The following SLC24A2 variants were observed in gnomAD, a reference collection of about 807,000 sequenced individuals.
SLC24A2 encodes the protein solute carrier family 24 member 2.
A neutral mutation model predicts 62.0 loss-of-function variants in SLC24A2; 36 were observed. That is an observed-to-expected ratio of 0.58 (90% confidence interval 0.44 to 0.77). The LOEUF is 0.77. Ranked by LOEUF, SLC24A2 falls within the 30% of genes least tolerant of loss-of-function variation. The probability of loss-of-function intolerance (pLI) is 0.00; values close to 1 mark genes in which losing one functional copy is unlikely to be tolerated. For missense variants in SLC24A2, 846 were observed against 817.9 expected, an observed-to-expected ratio of 1.03 and a Z score of -0.42; for synonymous variants, 358 against 294.0, an observed-to-expected ratio of 1.22 and a Z score of -2.23.
Position 19,730,525 on chromosome 9 carries a change from G to T in SLC24A2, c.930+55412C>A, listed in dbSNP as rs971368784. Among the ~76,000 whole-genome samples the T allele has an allele frequency of 8.4e-4, 128 of 152,188 alleles. 1 individual carries two copies. The highest frequency in any genetic ancestry group is 1.5e-4 in the Non-Finnish European group (10 of 67,994). ...TAAATGACTTCACAACCTTAAGAAT[G>T]CTAGGCCATTATTTCACAAAATGAG... is the stretch of plus-strand genomic sequence containing the variant. On this transcript the variant is annotated intron_variant, in intron 2 of 10. Coordinates refer to ENST00000341998, the MANE Select transcript of SLC24A2 (RefSeq NM_020344.4).
At chr9:19,530,078 CTTTTT>C (rs11365952) in intron 8 of SLC24A2, among the ~76,000 whole-genome samples, 17 of 124,930 alleles carry the variant, frequency 1.4e-4, no homozygotes, top group Admixed American at 4.1e-4. Flanking sequence ...ATAAAAGCAG[CTTTTT>C]TTTTTTTTTT....
intron 2 of SLC24A2, among the ~76,000 whole-genome samples, chr9:19,709,752 G>C (rs1014716765): frequency 8.1e-5 from 9 of 111,446 alleles, no homozygotes; most frequent in African/African-American, 3.2e-4. Flanking sequence ...GACTGTTGTG[G>C]TGTGGGGGGT....
intron 2 of SLC24A2, among the ~76,000 whole-genome samples, chr9:19,740,610 C>A (rs1361480608): frequency 6.6e-6 from 1 of 152,132 alleles, no homozygotes; most frequent in African/African-American, 2.4e-5. Context: ...TTCTATTTCC[C>A]AATCCAGGTG....
chr9:20,126,151 A>G, the SLC24A2 span, among the ~76,000 whole-genome samples: 11 of 152,136 alleles, frequency 7.2e-5, no homozygotes, highest in Non-Finnish European at 1.3e-4. Context: ...TTTCTATTCT[A>G]CAATCTTACT....
In SLC24A2 at chr9:19,515,955, A is replaced by G. The variant is rs1334225823; in HGVS notation, c.*198T>C. The G allele has an allele frequency of 3.0e-6, 2 of 677,746 alleles. No homozygotes were observed. The highest frequency in any genetic ancestry group is 1.8e-5 in the African/African-American group (1 of 56,264). The allele number at this position is 677,746 out of a possible 1,614,324, so 42.0% of individuals were successfully genotyped here. On this transcript the variant is annotated 3_prime_UTR_variant, in exon 11 of 11. Transcript: ENST00000341998. ...TTCTCTTTGTCTTTTACATGAAGTC[A>G]TTTCAGTAGGCAGGGTGGAAGCAGC...
the SLC24A2 span, among the ~76,000 whole-genome samples, chr9:20,222,046 G>T: frequency 2.6e-4 from 39 of 152,008 alleles, no homozygotes; most frequent in African/African-American, 8.2e-4. Context: ...CAAAAAGCTG[G>T]GAGTGGGGGC....
At chr9:20,181,160 TC>T in the SLC24A2 span, among the ~76,000 whole-genome samples, 1 of 151,912 alleles carries the variant, frequency 6.6e-6, no homozygotes, top group Non-Finnish European at 1.5e-5. Flanking sequence ...AGTTAACTAG[TC>T]TCAAGTTCAA....
At chr9:20,067,848 T>C in the SLC24A2 span, among the ~76,000 whole-genome samples, 1 of 152,178 alleles carries the variant, frequency 6.6e-6, no homozygotes, top group Non-Finnish European at 1.5e-5. Flanking sequence ...AATGAATATA[T>C]CAGCATATGT....
At chr9:19,573,323 C>T (rs1395240500) in intron 7 of SLC24A2, 28 bp downstream of exon 7, 5 of 1,430,008 alleles carry the variant, frequency 3.5e-6, no homozygotes, top group Non-Finnish European at 4.9e-6. Context: ...GAACAACAGC[C>T]CAGAAGAGCA....
At chr9:20,199,310 G>A in the SLC24A2 span, among the ~76,000 whole-genome samples, 1 of 152,172 alleles carries the variant, frequency 6.6e-6, no homozygotes, top group Non-Finnish European at 1.5e-5. Context: ...AGGTGTATTA[G>A]TCACTGTTGA....
chr9:19,973,051 A>C, the SLC24A2 span, among the ~76,000 whole-genome samples: 2 of 152,180 alleles, frequency 1.3e-5, no homozygotes, highest in South Asian at 4.1e-4. Flanking sequence ...TAAAAACCAA[A>C]GGGAAGCCAG....
chr9:20,151,110 A>G, the SLC24A2 span, among the ~76,000 whole-genome samples: 3 of 151,920 alleles, frequency 2.0e-5, no homozygotes, highest in Non-Finnish European at 4.4e-5. Flanking sequence ...ACTTTCTAAC[A>G]TTTTTACTTA....
the SLC24A2 span, among the ~76,000 whole-genome samples, chr9:20,050,355 G>T: frequency 1.3e-5 from 2 of 151,918 alleles, no homozygotes. Flanking sequence ...GGTGGAGGTT[G>T]CAGTGAGCCT....
chr9:19,993,044 T>G, the SLC24A2 span, among the ~76,000 whole-genome samples: 6 of 152,162 alleles, frequency 3.9e-5, no homozygotes, highest in Admixed American at 1.3e-4. Flanking sequence ...TAGAGAGAAG[T>G]GCTCTGTACG....
At chr9:20,062,626 C>G in the SLC24A2 span, among the ~76,000 whole-genome samples, 1 of 119,418 alleles carries the variant, frequency 8.4e-6, no homozygotes. Flanking sequence ...GCAACAAAAG[C>G]CAAAATTGAC....
At chr9:20,225,821 C>T in the SLC24A2 span, among the ~76,000 whole-genome samples, 1 of 151,600 alleles carries the variant, frequency 6.6e-6, no homozygotes, top group Non-Finnish European at 1.5e-5. Flanking sequence ...AGCTTGTGCT[C>T]TCAATGGCCA....
At chr9:20,289,075 G>C in the SLC24A2 span, among the ~76,000 whole-genome samples, 24,507 of 152,054 alleles carry the variant, frequency 0.16, 2,651 homozygotes, top group African/African-American at 0.29. Context: ...CTGACATTAA[G>C]TGATGCAGGC....
intron 2 of SLC24A2, among the ~76,000 whole-genome samples, chr9:19,695,205 A>G (rs1820152872): frequency 6.6e-6 from 1 of 152,122 alleles, no homozygotes; most frequent in Non-Finnish European, 1.5e-5. Flanking sequence ...AAAGAACAAC[A>G]AAACAGCCCT....
At chr9:19,968,489 A>G in the SLC24A2 span, among the ~76,000 whole-genome samples, 1 of 152,254 alleles carries the variant, frequency 6.6e-6, no homozygotes, top group Non-Finnish European at 1.5e-5. Context: ...ATTTGCTTAT[A>G]GAAATAAGGT....
Sources: gnomAD v4.1 joint callset for allele counts (sites outside exome capture counted in the v4.1 genomes callset) on GRCh38, gnomAD v4.1.1 for gene constraint, MANE v1.5 for transcripts, NCBI Gene and HGNC (gene_info 2026-07-23, HGNC 2026-07-21) for gene names.